The following SORCS3 variants were observed in gnomAD, a reference collection of about 807,000 sequenced individuals.
SORCS3 encodes sortilin related VPS10 domain containing receptor 3.
In SORCS3, 57 loss-of-function variants were observed where a neutral mutation model predicts 146.3. That is an observed-to-expected ratio of 0.39 (90% CI 0.31 to 0.49). The LOEUF is 0.49. Among genes scored for constraint, SORCS3 ranks in the 20% least tolerant of loss-of-function variants. The pLI, the probability that SORCS3 is intolerant of heterozygous loss-of-function variation, is 0.92. For missense variants in SORCS3, 1,341 were observed against 1,575.5 expected (o/e 0.85, Z 2.52); for synonymous variants, 653 against 618.5 (o/e 1.06, Z -0.83).
intron 4 of SORCS3, among the ~76,000 whole-genome samples, chr10:105,010,712 C>T (rs1191878512): frequency 7.1e-6 from 1 of 140,180 alleles, no homozygotes; most frequent in African/African-American, 2.6e-5. Flanking sequence ...CCATTGGAAG[C>T]ATAGTTTCTT....
intron 2 of SORCS3, among the ~76,000 whole-genome samples, chr10:104,875,583 T>A (rs2018563425): frequency 6.6e-6 from 1 of 152,168 alleles, no homozygotes; most frequent in Non-Finnish European, 1.5e-5. Context: ...TTCAGATCAA[T>A]GTTTACTTAA....
chr10:104,765,885 C>G (rs962481572), intron 1 of SORCS3, among the ~76,000 whole-genome samples: 6 of 152,078 alleles, frequency 3.9e-5, no homozygotes, highest in Non-Finnish European at 8.8e-5. Flanking sequence ...CCTGGGATTC[C>G]CACCCAGTGA....
rs1373431921 is a variant in SORCS3, at chr10:104,829,589, C to T, written c.628-13203C>T. Among the ~76,000 whole-genome samples the T allele has an allele frequency of 2.6e-5, 4 of 151,896 alleles. No individual in the cohort carries two copies. The East Asian group carries it at 7.7e-4, about 29-fold the overall frequency. On this transcript the variant is annotated intron_variant, in intron 1 of 26. Coordinates refer to ENST00000369701, the MANE Select transcript of SORCS3 (RefSeq NM_014978.3). ...GCCAGGTTGAGAAAGACCTTTTATG[C>T]CATGAGGAATCTGGATTGATTCTAA...
chr10:105,022,327 C>T (rs1314866112), intron 4 of SORCS3, among the ~76,000 whole-genome samples: 3 of 127,144 alleles, frequency 2.4e-5, no homozygotes, highest in Admixed American at 9.0e-5. Flanking sequence ...GACGGAGTTT[C>T]GTTCTTGTTG....
chr10:104,839,602 A>G (rs1426423877), intron 1 of SORCS3, among the ~76,000 whole-genome samples: 1 of 152,210 alleles, frequency 6.6e-6, no homozygotes, highest in Non-Finnish European at 1.5e-5. Context: ...TCTAAGGAGT[A>G]TGAATTTCAT....
At chr10:104,817,285 TTCAATTGGCAA>T (rs1294225217) in intron 1 of SORCS3, among the ~76,000 whole-genome samples, 2 of 152,050 alleles carry the variant, frequency 1.3e-5, no homozygotes, top group African/African-American at 4.8e-5. Flanking sequence ...TATCTCAATT[TTCAATTGGCAA>T]TCATAGGAGT....
chr10:104,733,496 C>G (rs56392008), intron 1 of SORCS3, among the ~76,000 whole-genome samples: 4,203 of 150,914 alleles, frequency 0.028, 72 homozygotes, highest in South Asian at 0.066. Context: ...ACTATAGATG[C>G]GCACCACCAT....
At chr10:105,201,316 T>G (rs2119617098) in intron 16 of SORCS3, 63 bp downstream of exon 16, 2 of 1,552,084 alleles carry the variant, frequency 1.3e-6, no homozygotes, top group Non-Finnish European at 1.7e-6. Context: ...TGGGGTGGGG[T>G]GGGGTGAAGA....
intron 4 of SORCS3, among the ~76,000 whole-genome samples, chr10:105,004,958 T>C (rs192028676): frequency 1.3e-5 from 2 of 152,246 alleles, no homozygotes; most frequent in African/African-American, 4.8e-5. Context: ...GAGGCAACCA[T>C]GAATATGGAA....
intron 14 of SORCS3, among the ~76,000 whole-genome samples, chr10:105,184,424 G>C (rs767874220): frequency 1.3e-5 from 2 of 152,140 alleles, no homozygotes; most frequent in African/African-American, 2.4e-5. Flanking sequence ...CCAAACCATA[G>C]AGCTGGCCAG....
chr10:104,947,044 G>A (rs72815680), intron 3 of SORCS3, among the ~76,000 whole-genome samples: 12,062 of 152,168 alleles, frequency 0.079, 762 homozygotes, highest in Non-Finnish European at 0.12. Flanking sequence ...AAGATTGAGA[G>A]AGTAGATGGC....
rs560714506 is a variant in SORCS3 at position 105,103,400 on chromosome 10, G to A, written c.1094-1997G>A. Among the ~76,000 whole-genome samples the A allele has an allele frequency of 1.5e-3, 221 of 152,332 alleles. 1 individual carries two copies. Among genetic ancestry groups the A allele is most frequent in the Middle Eastern group, 6.8e-3 (2 of 294 alleles). On this transcript the variant is annotated intron_variant, in intron 6 of 26. Transcript: ENST00000369701. ...TATCCTAAGGCACTCAGCAATAGTG[G>A]TTGTTTTGAGGCTGGGAGGTATTAG...
chr10:105,062,703 TA>T (rs1398572348), intron 5 of SORCS3, among the ~76,000 whole-genome samples: 1 of 152,194 alleles, frequency 6.6e-6, no homozygotes, highest in Non-Finnish European at 1.5e-5. Context: ...AGCCCCATTA[TA>T]AAAAGAACAA....
At chr10:104,739,448 A>C (rs1589480042) in intron 1 of SORCS3, among the ~76,000 whole-genome samples, 1 of 152,306 alleles carries the variant, frequency 6.6e-6, no homozygotes, top group East Asian at 1.9e-4. Context: ...CATGTTGCCC[A>C]GTGCCAGGTT....
intron 1 of SORCS3, among the ~76,000 whole-genome samples, chr10:104,833,177 C>T (rs187462096): frequency 2.0e-4 from 30 of 152,306 alleles, no homozygotes; most frequent in South Asian, 2.1e-4. Context: ...GACACCATGA[C>T]GGTGACTAGC....
At chr10:104,763,495 C>T (rs1467465909) in intron 1 of SORCS3, among the ~76,000 whole-genome samples, 2 of 152,136 alleles carry the variant, frequency 1.3e-5, no homozygotes, top group Non-Finnish European at 2.9e-5. Context: ...GGAAACACAC[C>T]TATTACATTA....
chr10:105,028,559 G>T (rs1564737906), intron 4 of SORCS3, among the ~76,000 whole-genome samples: 1 of 152,062 alleles, frequency 6.6e-6, no homozygotes, highest in Non-Finnish European at 1.5e-5. Context: ...TGGTGTTTGA[G>T]CACATGGGCC....
rs114418641 is a variant in SORCS3 at position 105,094,995 on chromosome 10, G to T, written c.1093+5156G>T. On this transcript the variant is annotated intron_variant, in intron 6 of 26. Coordinates refer to ENST00000369701, the MANE Select transcript of SORCS3 (RefSeq NM_014978.3). ...CACCAAGCCATCTATGGCCATCCTT[G>T]CCTGTTTATAATGATAAAGCTTCAT... is the stretch of plus-strand genomic sequence containing the variant. 2.0e-3 allele frequency among the ~76,000 whole-genome samples: 304 copies of T among 152,274 alleles called. 3 individuals are homozygous for T. Among genetic ancestry groups the T allele is most frequent in the African/African-American group, 6.8e-3 (284 of 41,574 alleles).
At chr10:105,021,484 C>T (rs2055197158) in intron 4 of SORCS3, among the ~76,000 whole-genome samples, 1 of 152,150 alleles carries the variant, frequency 6.6e-6, no homozygotes, top group Non-Finnish European at 1.5e-5. Context: ...ATGTTATTAA[C>T]CAGTCAATAG....
Sources: allele counts gnomAD v4.1 joint callset (sites outside exome capture counted in the v4.1 genomes callset), GRCh38; gene constraint gnomAD v4.1.1; transcripts MANE v1.5; gene names NCBI Gene and HGNC (gene_info 2026-07-23, HGNC 2026-07-21).